Variants in ATXN2 observed in about 807,000 individuals in gnomAD.
ATXN2 encodes the protein ataxin-2.
In ATXN2, 37 loss-of-function variants were observed where a neutral mutation model predicts 138.6. The ratio of observed to expected loss-of-function variants is 0.27; its 90% CI spans 0.21 to 0.35. The LOEUF is 0.35. Ranked by LOEUF, ATXN2 falls within the 10% of genes least tolerant of loss-of-function variation. ATXN2 has a pLI of 1.00. For synonymous variants in ATXN2, 549 were observed against 543.7 expected (o/e 1.01, Z -0.13); for missense variants, 1,216 against 1,480.3 (o/e 0.82, Z 2.93).
chr12:111,529,554 T>G (rs1880697380), intron 5 of ATXN2, among the ~76,000 whole-genome samples: 1 of 152,204 alleles, frequency 6.6e-6, no homozygotes, highest in South Asian at 2.1e-4. Flanking sequence ...CCCACAGCAG[T>G]GGGCTCTCAA....
At chr12:111,481,398 T>C (rs1248345113) in intron 18 of ATXN2, among the ~76,000 whole-genome samples, 1 of 152,138 alleles carries the variant, frequency 6.6e-6, no homozygotes, top group Non-Finnish European at 1.5e-5. Context: ...TGAGCCGAGA[T>C]TGTGCCACTG....
intron 12 of ATXN2, 96 bp downstream of exon 12, chr12:111,510,289 G>A: frequency 7.5e-7 from 1 of 1,331,256 alleles, no homozygotes; most frequent in Non-Finnish European, 1.0e-6. Flanking sequence ...ACTTGTCTAT[G>A]AATAAAAATA....
At chr12:111,501,509 T>C (rs560971858) in intron 14 of ATXN2, among the ~76,000 whole-genome samples, 18 of 152,276 alleles carry the variant, frequency 1.2e-4, no homozygotes, top group South Asian at 2.1e-4. Flanking sequence ...AGCCTCAGTA[T>C]AGGCAAACCA....
chr12:111,456,260 C>T lies in ATXN2; in HGVS notation c.3043-4G>A, dbSNP rs759913866. The T allele has an allele frequency of 5.0e-6, 8 of 1,614,070 alleles. No individual in the cohort carries two copies. Among genetic ancestry groups the T allele is most frequent in the Non-Finnish European group, 6.8e-6 (8 of 1,179,942 alleles). The stretch of plus-strand genomic sequence containing the variant: ...GGGCGGCCTGGTGCTGATGGTGCTG[C>T]AAAGCGACAGGAAAGAATTGAGAGG... On this transcript the variant is annotated splice_region_variant and splice_polypyrimidine_tract_variant and intron_variant, in intron 22 of 24. Coordinates refer to ENST00000673436, the MANE Select transcript of ATXN2 (RefSeq NM_001372574.1).
chr12:111,468,659 T>C (rs895211386), intron 20 of ATXN2: 6 of 151,792 alleles, frequency 4.0e-5, no homozygotes, highest in Non-Finnish European at 7.3e-5. Context: ...AAAGTAGTAA[T>C]GTCTCAAGAA....
chr12:111,581,475 G>A, intron 1 of ATXN2: 1 of 948,836 alleles, frequency 1.1e-6, no homozygotes, highest in African/African-American at 1.6e-5. Context: ...GCTGTGCTGG[G>A]GGCACCCCAC....
chr12:111,501,556 T>C (rs1339151304), intron 14 of ATXN2, among the ~76,000 whole-genome samples: 5 of 152,214 alleles, frequency 3.3e-5, no homozygotes, highest in Non-Finnish European at 7.3e-5. Context: ...CTTGGTGTCA[T>C]GGCAAACAGC....
At chr12:111,550,515 TA>T (rs982304839) in intron 5 of ATXN2, among the ~76,000 whole-genome samples, 1 of 152,174 alleles carries the variant, frequency 6.6e-6, no homozygotes, top group African/African-American at 2.4e-5. Flanking sequence ...TAAATTCAAC[TA>T]AAATTTTATC....
intron 6 of ATXN2, among the ~76,000 whole-genome samples, chr12:111,522,035 A>G (rs1880184341): frequency 6.6e-6 from 1 of 152,160 alleles, no homozygotes. Flanking sequence ...TCAACCAAGC[A>G]ATGCTGATGG....
intron 1 of ATXN2, among the ~76,000 whole-genome samples, chr12:111,579,134 G>A (rs1002226226): frequency 3.9e-5 from 6 of 152,046 alleles, no homozygotes; most frequent in African/African-American, 1.2e-4. Flanking sequence ...ACACTCACAG[G>A]ATTATATGTA....
intron 1 of ATXN2, among the ~76,000 whole-genome samples, chr12:111,562,146 T>C (rs1460283441): frequency 1.3e-5 from 2 of 150,352 alleles, no homozygotes; most frequent in Non-Finnish European, 1.5e-5. Flanking sequence ...AAAGAAAATA[T>C]GCACTTGCCA....
At chr12:111,534,938 C>G (rs1228290709) in intron 5 of ATXN2, among the ~76,000 whole-genome samples, 2 of 152,034 alleles carry the variant, frequency 1.3e-5, no homozygotes, top group Admixed American at 1.3e-4. Flanking sequence ...AGTTCAAGAT[C>G]AGCCTGTGCA....
Position 111,452,856 on chromosome 12 carries a change from C to A in ATXN2, c.3440-16G>T. The A allele has an allele frequency of 6.2e-7, 1 of 1,605,428 alleles. No individual in the cohort carries two copies. Among genetic ancestry groups the A allele is most frequent in the East Asian group, 2.2e-5 (1 of 44,656 alleles). On this transcript the variant is annotated splice_polypyrimidine_tract_variant and intron_variant, in intron 24 of 24. Coordinates refer to ENST00000673436, the MANE Select transcript of ATXN2 (RefSeq NM_001372574.1). ...TGGGCTTGTACTGTAAAAAGAAAAG[C>A]GAACATTGAAACAGAAAACTGGCAA...
At chr12:111,477,714 A>G (rs1481279921) in intron 18 of ATXN2, among the ~76,000 whole-genome samples, 1 of 152,212 alleles carries the variant, frequency 6.6e-6, no homozygotes, top group Non-Finnish European at 1.5e-5. Flanking sequence ...ATAATTTACT[A>G]AAAGTAGTAA....
At chr12:111,496,095 A>G (rs1043937348) in intron 14 of ATXN2, among the ~76,000 whole-genome samples, 13 of 152,246 alleles carry the variant, frequency 8.5e-5, no homozygotes, top group African/African-American at 3.1e-4. Context: ...CGGAGGTTGC[A>G]GGTGAGCCAA....
Position 111,509,964 on chromosome 12 carries a change from G to A in ATXN2, c.1791C>T (p.Asn597=), listed in dbSNP as rs754354287. The part of the protein sequence containing the change: ...KDSRLQDQRQ[N]SPAGNKENIK... ...TATTTTCTTTATTCCCTGCAGGAGA[G>A]TTCTGCCTCTGATCTTGAAGCCTGG... The change falls in exon 13 of 25, where the codon AAC becomes AAT. Residue 597 remains asparagine, a synonymous_variant. Coordinates refer to ENST00000673436, the MANE Select transcript of ATXN2 (RefSeq NM_001372574.1). The A allele has an allele frequency of 1.2e-5, 20 of 1,611,778 alleles. No individual in the cohort carries two copies. The highest frequency in any genetic ancestry group is 1.7e-4 in the Middle Eastern group (1 of 6,050).
At chr12:111,474,324 G>C (rs1876638250) in intron 18 of ATXN2, among the ~76,000 whole-genome samples, 1 of 152,012 alleles carries the variant, frequency 6.6e-6, no homozygotes, top group African/African-American at 2.4e-5. Context: ...AGGAGGCTGA[G>C]GTAGAAAGAT....
At chr12:111,573,805 C>T (rs1452472862) in intron 1 of ATXN2, among the ~76,000 whole-genome samples, 1 of 151,250 alleles carries the variant, frequency 6.6e-6, no homozygotes, top group Non-Finnish European at 1.5e-5. Flanking sequence ...TATGACATAA[C>T]ATTTATTACC....
intron 1 of ATXN2, among the ~76,000 whole-genome samples, chr12:111,582,434 G>A (rs747421149): frequency 6.2e-5 from 9 of 144,674 alleles, no homozygotes; most frequent in African/African-American, 2.0e-4. Flanking sequence ...AAAGCGAGAC[G>A]GTGTCTCAAA....
Sources: gnomAD v4.1 joint callset for allele counts (sites outside exome capture counted in the v4.1 genomes callset) on GRCh38, gnomAD v4.1.1 for gene constraint, MANE v1.5 for transcripts, NCBI Gene and HGNC (gene_info 2026-07-23, HGNC 2026-07-21) for gene names.